The following DPP10 variants were observed in gnomAD, a reference collection of about 807,000 sequenced individuals.
DPP10 encodes the protein dipeptidyl peptidase like 10.
In DPP10, 33 loss-of-function variants were observed where a neutral mutation model predicts 120.9. The observed-to-expected ratio is 0.27, with a 90% confidence interval of 0.21 to 0.37. The LOEUF (loss-of-function observed/expected upper bound fraction) is 0.37. DPP10 is among the 10% of genes least tolerant of loss of function. The pLI is 1.00. For synonymous variants in DPP10, 337 were observed against 326.1 expected (o/e 1.03, Z -0.36); for missense variants, 816 against 942.8 (o/e 0.87, Z 1.76).
At chr2:114,457,970 C>T (rs759960279) in intron 1 of DPP10, among the ~76,000 whole-genome samples, 67 of 152,250 alleles carry the variant, frequency 4.4e-4, no homozygotes, top group Non-Finnish European at 8.8e-4. Flanking sequence ...CAGAAAGCAA[C>T]ACAACAATAT....
chr2:115,145,812 A>C (rs1423175173), intron 1 of DPP10, among the ~76,000 whole-genome samples: 5 of 152,086 alleles, frequency 3.3e-5, no homozygotes, highest in Non-Finnish European at 7.4e-5. Context: ...GTCAGAATTT[A>C]GTGTTATCAT....
intron 1 of DPP10, among the ~76,000 whole-genome samples, chr2:114,596,894 G>A (rs1260552234): frequency 6.6e-6 from 1 of 151,956 alleles, no homozygotes; most frequent in Non-Finnish European, 1.5e-5. Context: ...ATGAAATTCT[G>A]CAAATACTTA....
chr2:115,141,770 GTTTA>G (rs1163666287), intron 1 of DPP10, among the ~76,000 whole-genome samples: 1 of 151,996 alleles, frequency 6.6e-6, no homozygotes, highest in Non-Finnish European at 1.5e-5. Flanking sequence ...GAGGTTTTTT[GTTTA>G]TTTGTGTTTG....
At chr2:115,734,433 A>G (rs1463521253) in intron 8 of DPP10, among the ~76,000 whole-genome samples, 3 of 152,020 alleles carry the variant, frequency 2.0e-5, no homozygotes, top group Non-Finnish European at 4.4e-5. Flanking sequence ...AGGTGGGCGG[A>G]TCAACTGAAG....
At chr2:115,802,181 A>G (rs1240058344) in intron 19 of DPP10, among the ~76,000 whole-genome samples, 1 of 152,122 alleles carries the variant, frequency 6.6e-6, no homozygotes, top group Non-Finnish European at 1.5e-5. Flanking sequence ...TGTGTCGAGG[A>G]ATTTATCCAT....
Position 115,372,224 on chromosome 2 carries a change from A to G in DPP10, c.271+28312A>G, listed in dbSNP as rs1004017534. 2.0e-5 allele frequency among the ~76,000 whole-genome samples: 3 copies of G among 152,312 alleles called. No individual in the cohort carries two copies. The South Asian group carries it at 6.2e-4, about 32-fold the overall frequency. On this transcript the variant is annotated intron_variant, in intron 3 of 25. Coordinates refer to ENST00000410059, the MANE Select transcript of DPP10 (RefSeq NM_020868.6). ...TGAATTATGAAAGGAGAACAACTTT[A>G]AAAATACTTCATAATGAAGTAAGAA... is the stretch of plus-strand genomic sequence containing the variant.
chr2:115,603,122 CTGTGTGTGTGTGTGTGTG>C (rs61161169), intron 5 of DPP10, among the ~76,000 whole-genome samples: 4 of 143,904 alleles, frequency 2.8e-5, no homozygotes, highest in South Asian at 4.5e-4. Flanking sequence ...ATAAATAAAA[CTGTGTGTGTGTGTGTGTG>C]TGTGTGTGTG....
intron 1 of DPP10, among the ~76,000 whole-genome samples, chr2:114,962,352 A>G (rs1698704195): frequency 6.6e-6 from 1 of 152,206 alleles, no homozygotes; most frequent in Non-Finnish European, 1.5e-5. Flanking sequence ...ATGTTTCCAA[A>G]TAGGTCATAG....
At chr2:115,472,099 C>T (rs979520) in intron 3 of DPP10, among the ~76,000 whole-genome samples, 125,914 of 152,108 alleles carry the variant, frequency 0.83, 55,172 homozygotes, top group Non-Finnish European at 0.97. Flanking sequence ...CTGTGTTGTG[C>T]AATCCTTCTA....
At chr2:115,372,130 A>G (rs2065451821) in intron 3 of DPP10, among the ~76,000 whole-genome samples, 2 of 152,158 alleles carry the variant, frequency 1.3e-5, no homozygotes, top group Admixed American at 6.6e-5. Context: ...TTTTTCATTA[A>G]TAGATACAAT....
intron 1 of DPP10, among the ~76,000 whole-genome samples, chr2:114,720,114 G>A (rs746125156): frequency 4.6e-5 from 7 of 152,182 alleles, no homozygotes; most frequent in East Asian, 3.9e-4. Context: ...AGGGAACTTC[G>A]GAGAACAGCT....
chr2:115,121,426 T>G (rs2104737980), intron 1 of DPP10, among the ~76,000 whole-genome samples: 1 of 152,330 alleles, frequency 6.6e-6, no homozygotes, highest in South Asian at 2.1e-4. Flanking sequence ...CCTCCAGAGT[T>G]GCCCTTGGCT....
intron 1 of DPP10, among the ~76,000 whole-genome samples, chr2:115,165,886 T>C (rs949122295): frequency 6.6e-6 from 1 of 152,188 alleles, no homozygotes; most frequent in African/African-American, 2.4e-5. Flanking sequence ...AAAGCAACTA[T>C]TTGACTACAA....
chr2:115,246,854 A>C (rs1311139496), intron 1 of DPP10, among the ~76,000 whole-genome samples: 1 of 152,154 alleles, frequency 6.6e-6, no homozygotes, highest in African/African-American at 2.4e-5. Context: ...GTTGAAGAAA[A>C]TCAAATGACG....
chr2:115,537,031 A>G (rs917816447), intron 5 of DPP10, among the ~76,000 whole-genome samples: 2 of 152,202 alleles, frequency 1.3e-5, no homozygotes, highest in African/African-American at 2.4e-5. Context: ...ATTGTAAAAC[A>G]TAATGGAGTC....
rs143870379 is a variant in DPP10 at position 114,534,937 on chromosome 2, T to A, written c.60+92099T>A. On this transcript the variant is annotated intron_variant, in intron 1 of 25. Transcript: ENST00000410059. ...TTGAGGATTTGAGGATTCTGTGGTGTAACTTGTGTTGGTTTTCAATTTTCT... is the reference window on the plus strand; with the variant it reads ...TTGAGGATTTGAGGATTCTGTGGTGAAACTTGTGTTGGTTTTCAATTTTCT... 6.3e-3 allele frequency among the ~76,000 whole-genome samples: 966 copies of A among 152,298 alleles called. 9 individuals are homozygous for A. Among genetic ancestry groups the A allele is most frequent in the Middle Eastern group, 0.017 (5 of 294 alleles).
At chr2:114,898,570 G>GT (rs1336343989) in intron 1 of DPP10, among the ~76,000 whole-genome samples, 2 of 152,056 alleles carry the variant, frequency 1.3e-5, no homozygotes, top group African/African-American at 4.8e-5. Context: ...GGAATGGAGT[G>GT]TAAATATTGT....
intron 1 of DPP10, among the ~76,000 whole-genome samples, chr2:115,270,066 TCACACACACA>T (rs57649162): frequency 0.016 from 2,052 of 130,700 alleles, 13 homozygotes; most frequent in South Asian, 0.022. Flanking sequence ...TAGGTATACT[TCACACACACA>T]CACACACACA....
At chr2:115,060,657 C>T (rs1371669733) in intron 1 of DPP10, among the ~76,000 whole-genome samples, 1 of 152,162 alleles carries the variant, frequency 6.6e-6, no homozygotes, top group African/African-American at 2.4e-5. Flanking sequence ...ATGGTCTATA[C>T]ATCTTCAGCC....
Sources: gnomAD v4.1 joint callset for allele counts (sites outside exome capture counted in the v4.1 genomes callset) on GRCh38, gnomAD v4.1.1 for gene constraint, MANE v1.5 for transcripts, NCBI Gene and HGNC (gene_info 2026-07-23, HGNC 2026-07-21) for gene names.